Variants in RARB observed in about 807,000 individuals in gnomAD.
RARB encodes the protein HBV-activated protein.
Under a neutral mutation model 51.9 loss-of-function variants are expected in RARB, and 17 were observed. The ratio of observed to expected loss-of-function variants is 0.33; its 90% CI spans 0.22 to 0.49. The LOEUF (loss-of-function observed/expected upper bound fraction) is 0.49, where lower values mean the gene tolerates loss of function less well. Ranked by LOEUF, RARB falls within the 20% of genes least tolerant of loss-of-function variation. RARB has a pLI of 0.99. For missense variants in RARB, 369 were observed against 550.8 expected (o/e 0.67, Z 3.30); for synonymous variants, 215 against 195.4 (o/e 1.10, Z -0.84).
intron 3 of RARB, among the ~76,000 whole-genome samples, chr3:25,109,454 AAAT>A (rs1699563267): frequency 6.6e-6 from 1 of 152,214 alleles, no homozygotes; most frequent in African/African-American, 2.4e-5. Flanking sequence ...AACTGTGATT[AAAT>A]AATTTGTACA....
intron 2 of RARB, among the ~76,000 whole-genome samples, chr3:24,945,650 TG>T (rs1695757546): frequency 6.6e-6 from 1 of 152,248 alleles, no homozygotes; most frequent in Non-Finnish European, 1.5e-5. Flanking sequence ...CGATCCTCTT[TG>T]GCAAGAATTA....
At chr3:24,857,252 G>C (rs751958287) in intron 1 of RARB, among the ~76,000 whole-genome samples, 1 of 152,144 alleles carries the variant, frequency 6.6e-6, no homozygotes, top group Non-Finnish European at 1.5e-5. Context: ...TCAGATGGGA[G>C]AACTGAGAGT....
At chr3:24,988,016 A>G (rs538558835) in intron 2 of RARB, among the ~76,000 whole-genome samples, 1 of 152,132 alleles carries the variant, frequency 6.6e-6, no homozygotes, top group South Asian at 2.1e-4. Context: ...AACATTTTAC[A>G]GTAAGTAACA....
At chr3:25,493,146 A>G (rs1250648673) in intron 2 of RARB, among the ~76,000 whole-genome samples, 2 of 151,908 alleles carry the variant, frequency 1.3e-5, no homozygotes, top group African/African-American at 4.8e-5. Context: ...CATTACATTT[A>G]TGCCCACCCT....
intron 2 of RARB, among the ~76,000 whole-genome samples, chr3:24,958,281 T>G (rs910581429): frequency 8.6e-5 from 12 of 138,806 alleles, no homozygotes; most frequent in African/African-American, 3.4e-4. Context: ...TTTTTTTTTT[T>G]TTTTTTTTAG....
chr3:25,515,624 T>G (rs1698125954), intron 3 of RARB, among the ~76,000 whole-genome samples: 2 of 152,172 alleles, frequency 1.3e-5, no homozygotes, highest in Non-Finnish European at 2.9e-5. Context: ...ATGGATGAAC[T>G]CAAATGACAT....
rs768498439 is a variant in RARB, at chr3:25,428,887, A to G, written c.156A>G (p.Gln52=). The G allele has an allele frequency of 1.0e-5, 16 of 1,596,146 alleles. No homozygotes were observed. Among genetic ancestry groups the G allele is most frequent in the Admixed American group, 3.4e-5 (2 of 58,438 alleles). The change falls in exon 1 of 8, where the codon CAA becomes CAG. Residue 52 remains glutamine (Q), a splice_region_variant and synonymous_variant. Transcript: ENST00000330688. ...AATGGCAGCATCGGCACACTGCTCA[A>G]TGTAGGTTTATTTTTTTCCCTTCTT... is the stretch of plus-strand genomic sequence containing the variant. The part of the protein sequence containing the change: ...QTEWQHRHTA[Q]SIETQSTSSE...
chr3:25,046,590 A>T (rs1305956140), intron 2 of RARB, among the ~76,000 whole-genome samples: 2 of 151,956 alleles, frequency 1.3e-5, no homozygotes, highest in Non-Finnish European at 2.9e-5. Flanking sequence ...AGTAGCTGGG[A>T]TTGCAGGCAC....
chr3:25,144,231 G>A (rs577025868), intron 4 of RARB, among the ~76,000 whole-genome samples: 1 of 152,112 alleles, frequency 6.6e-6, no homozygotes, highest in African/African-American at 2.4e-5. Flanking sequence ...AGATGGCAGG[G>A]TACTTAAAAA....
At chr3:24,876,608 C>T (rs1489710319) in intron 2 of RARB, among the ~76,000 whole-genome samples, 1 of 152,060 alleles carries the variant, frequency 6.6e-6, no homozygotes, top group Non-Finnish European at 1.5e-5. Context: ...ATGTCTTGAT[C>T]TTATGAACTA....
intron 2 of RARB, among the ~76,000 whole-genome samples, chr3:24,972,188 T>C (rs1325986281): frequency 2.0e-5 from 3 of 151,898 alleles, no homozygotes; most frequent in African/African-American, 4.8e-5. Flanking sequence ...CAACCTACTC[T>C]CTTTTCATGA....
intron 4 of RARB, among the ~76,000 whole-genome samples, chr3:25,574,063 G>C (rs887145383): frequency 2.6e-5 from 4 of 152,196 alleles, no homozygotes; most frequent in Non-Finnish European, 4.4e-5. Flanking sequence ...ATTCCCTGTG[G>C]AAAGGTGGAA....
In RARB at chr3:24,859,715, G is replaced by A. The variant is rs77534055; in HGVS notation, c.-380+963G>A. ...GGGGACTTGGAAGTTTATATCATACGTCTGCAAACATTTTCTGTAAAGGAC... is the reference window on the plus strand; with the variant it reads ...GGGGACTTGGAAGTTTATATCATACATCTGCAAACATTTTCTGTAAAGGAC... On this transcript the variant is annotated intron_variant, in intron 2 of 11. Coordinates refer to the RARB transcript ENST00000383772. Among the ~76,000 whole-genome samples, 1,036 of 152,222 alleles carry A rather than the reference G, an allele frequency of 6.8e-3. 13 individuals are homozygous for A. Among genetic ancestry groups the A allele is most frequent in the African/African-American group, 0.024 (989 of 41,528 alleles).
intron 4 of RARB, among the ~76,000 whole-genome samples, chr3:25,138,523 A>T (rs1191515750): frequency 6.6e-6 from 1 of 152,104 alleles, no homozygotes; most frequent in African/African-American, 2.4e-5. Context: ...TTTAAATCAG[A>T]ATTCTAATTA....
chr3:24,983,840 G>A (rs1696729774), intron 2 of RARB, among the ~76,000 whole-genome samples: 1 of 151,880 alleles, frequency 6.6e-6, no homozygotes, highest in South Asian at 2.1e-4. Flanking sequence ...CTTTACCTAA[G>A]TATTAATATA....
At chr3:24,891,276 G>GGT (rs1194285933) in intron 2 of RARB, among the ~76,000 whole-genome samples, 1 of 152,100 alleles carries the variant, frequency 6.6e-6, no homozygotes, top group Non-Finnish European at 1.5e-5. Context: ...TCATGCTAGA[G>GGT]GTAGTATATG....
chr3:25,226,722 T>A (rs1702064097), intron 5 of RARB, among the ~76,000 whole-genome samples: 1 of 152,162 alleles, frequency 6.6e-6, no homozygotes, highest in Admixed American at 6.5e-5. Flanking sequence ...TGGGAGATTC[T>A]CCCCAACTCC....
chr3:25,128,941 A>G (rs1461004005), intron 3 of RARB, among the ~76,000 whole-genome samples: 2 of 152,184 alleles, frequency 1.3e-5, no homozygotes, highest in Non-Finnish European at 2.9e-5. Context: ...AAAAAATAAC[A>G]TAATTAGCTG....
chr3:24,912,227 G>T (rs1695003609), intron 2 of RARB, among the ~76,000 whole-genome samples: 1 of 152,142 alleles, frequency 6.6e-6, no homozygotes. Context: ...GCTTTTGTTG[G>T]CATCAGGCAT....
Sources: gnomAD v4.1 joint callset for allele counts (sites outside exome capture counted in the v4.1 genomes callset) on GRCh38, gnomAD v4.1.1 for gene constraint, MANE v1.5 for transcripts, NCBI Gene and HGNC (gene_info 2026-07-23, HGNC 2026-07-21) for gene names.